Variants in CKAP2 observed in about 807,000 individuals in gnomAD.
CKAP2 encodes cytoskeleton-associated protein 2.
CKAP2 carries 46 observed loss-of-function variants against 58.4 expected under a neutral mutation model. That is an observed-to-expected ratio of 0.79 (90% CI 0.62 to 1.01). The LOEUF is 1.01. Among genes scored for constraint, CKAP2 ranks in the 50% least tolerant of loss-of-function variants. CKAP2 has a pLI of 0.00. For missense variants in CKAP2, 809 were observed against 796.4 expected (o/e 1.02, Z -0.19); for synonymous variants, 293 against 280.9 (o/e 1.04, Z -0.43).
intron 6 of CKAP2, 51 bp downstream of exon 6, chr13:52,465,516 G>A (rs763976569): frequency 8.0e-6 from 12 of 1,498,812 alleles, no homozygotes; most frequent in African/African-American, 5.6e-5. Flanking sequence ...TAGACAATTC[G>A]GAATTAATTT....
rs1382597009 is a variant in CKAP2, at chr13:52,461,115, A to G, written c.289A>G (p.Lys97Glu). The change falls in exon 4 of 9, where the codon AAA becomes GAA. Residue 97 changes from lysine (K) to glutamate (E), a missense_variant. Transcript: ENST00000258607. Reference protein sequence around the residue: ...AESKNNTVVGKHCIPLKPSNE... With the variant: ...AESKNNTVVGEHCIPLKPSNE... Reference sequence around the variant, plus strand: ...GAGCAAAAATAATACAGTGGTGGGGAAACATTGTATTCCTTTAAAACCTTC... The same window carrying G: ...GAGCAAAAATAATACAGTGGTGGGGGAACATTGTATTCCTTTAAAACCTTC... 1 of 1,610,296 alleles carries G rather than the reference A, an allele frequency of 6.2e-7. No homozygotes were observed. Among genetic ancestry groups the G allele is most frequent in the South Asian group, 1.1e-5 (1 of 89,914 alleles).
chr13:52,473,949 T>G lies in CKAP2; in HGVS notation c.1667T>G (p.Leu556Trp), dbSNP rs145551694. 1.8e-5 allele frequency: 29 copies of G among 1,613,942 alleles called. No individual in the cohort carries two copies. Among genetic ancestry groups the G allele is most frequent in the Middle Eastern group, 3.3e-4 (2 of 6,084 alleles). The change falls in exon 8 of 9, where the codon TTG becomes TGG. Residue 556 changes from leucine to tryptophan, a missense_variant. Leu to Trp is a moderately conservative substitution (Grantham distance 61). Around this residue, in one of 3 missense-constraint regions of CKAP2, gnomAD observed 283 missense variants for 287.6 expected, o/e 0.98. Transcript: ENST00000258607. ...LEMESKLHRN[L>W]LFQDCEKEQD... ...ATGGAGAGTAAACTTCATAGAAATTTGCTATTTCAAGATTGTGAAAAAGAG... is the reference window on the plus strand; with the variant it reads ...ATGGAGAGTAAACTTCATAGAAATTGGCTATTTCAAGATTGTGAAAAAGAG...
intron 6 of CKAP2, among the ~76,000 whole-genome samples, chr13:52,468,037 C>T (rs778493357): frequency 1.2e-4 from 18 of 152,074 alleles, no homozygotes; most frequent in Non-Finnish European, 1.6e-4. Context: ...GTCTTGATCT[C>T]CTGACCTCGT....
In CKAP2 at chr13:52,462,433, C is replaced by T; in HGVS notation, c.1171C>T (p.Gln391Ter). Reference sequence around the variant, plus strand: ...AAGGCCCCCTAATTCAGTAGTTACTCAGCATGAGCCTGCAGGACAAAATGA... The same window carrying T: ...AAGGCCCCCTAATTCAGTAGTTACTTAGCATGAGCCTGCAGGACAAAATGA... ...LKRPPNSVVTQHEPAGQNEKP... is the reference protein window; with the variant it reads ...LKRPPNSVVT Residue 391 changes from glutamine to a stop codon, truncating the protein, a stop_gained, in exon 5 of 9, where the codon CAG becomes TAG. Coordinates refer to ENST00000258607, the MANE Select transcript of CKAP2 (RefSeq NM_018204.5). LOFTEE classifies it high-confidence loss of function. The T allele has an allele frequency of 6.2e-7, 1 of 1,614,092 alleles. No individual in the cohort carries two copies. The highest frequency in any genetic ancestry group is 8.5e-7 in the Non-Finnish European group (1 of 1,180,008).
chr13:52,459,011 C>T (rs1672410906), intron 2 of CKAP2, among the ~76,000 whole-genome samples: 3 of 152,220 alleles, frequency 2.0e-5, no homozygotes, highest in South Asian at 2.1e-4. Flanking sequence ...GACTCATTTC[C>T]GATAACCCTT....
chr13:52,470,263 G>A (rs554875918), intron 7 of CKAP2, among the ~76,000 whole-genome samples: 8 of 152,078 alleles, frequency 5.3e-5, no homozygotes, highest in African/African-American at 1.9e-4. Flanking sequence ...GCGCCACCTT[G>A]CCCGGCTAAT....
intron 6 of CKAP2, among the ~76,000 whole-genome samples, chr13:52,467,386 G>C (rs1180774580): frequency 6.6e-6 from 1 of 152,160 alleles, no homozygotes; most frequent in East Asian, 1.9e-4. Flanking sequence ...GAGAAAAGGA[G>C]CAAGACTTAA....
intron 1 of CKAP2, 41 bp downstream of exon 1, chr13:52,455,667 C>T: frequency 6.9e-7 from 1 of 1,455,334 alleles, no homozygotes; most frequent in Non-Finnish European, 9.3e-7. Flanking sequence ...GTGGCGGTGG[C>T]GGTGGCGGGC....
At chr13:52,473,757 C>A in intron 7 of CKAP2, 72 bp from the exon 8 acceptor site, 3 of 1,418,458 alleles carry the variant, frequency 2.1e-6, no homozygotes, top group Non-Finnish European at 2.9e-6. Flanking sequence ...CAACTAGGAA[C>A]AACTTTAATG....
At chr13:52,456,462 T>G in intron 1 of CKAP2, 61 bp from the exon 2 acceptor site, 2 of 1,271,262 alleles carry the variant, frequency 1.6e-6, no homozygotes, top group Non-Finnish European at 2.3e-6. Context: ...CAACAAGATT[T>G]ATTTGCCGTT....
intron 7 of CKAP2, among the ~76,000 whole-genome samples, chr13:52,472,555 T>G (rs1470938614): frequency 2.0e-5 from 3 of 152,150 alleles, no homozygotes; most frequent in African/African-American, 7.2e-5. Flanking sequence ...GCCTAACATG[T>G]TTTATTTTGA....
Position 52,475,893 on chromosome 13 carries a change from C to T in CKAP2, c.*752C>T, listed in dbSNP as rs1958822298. 6.6e-6 allele frequency: 1 copy of T among 152,192 alleles called. No individual in the cohort carries two copies. Among genetic ancestry groups the T allele is most frequent in the Non-Finnish European group, 1.5e-5 (1 of 68,038 alleles). 9.4% of individuals were successfully genotyped at this position (152,192 alleles called of 1,614,324 possible). A position where few individuals can be genotyped will look rare whatever the true frequency, so the allele number is the denominator to read the frequency against. The stretch of plus-strand genomic sequence containing the variant: ...TTTAGTGGTTTAACTTTTGTAACTT[C>T]ACTTGATAGTTTTTAAGCAATTAGA... On this transcript the variant is annotated 3_prime_UTR_variant, in exon 9 of 9. Coordinates refer to ENST00000258607, the MANE Select transcript of CKAP2 (RefSeq NM_018204.5).
intron 2 of CKAP2, among the ~76,000 whole-genome samples, chr13:52,457,562 T>A (rs1020261962): frequency 6.6e-6 from 1 of 152,162 alleles, no homozygotes; most frequent in Non-Finnish European, 1.5e-5. Context: ...AATAACATCC[T>A]TACAGGCTTA....
In CKAP2 at chr13:52,474,911, C is replaced by A. The variant is rs759496379; in HGVS notation, c.1819C>A (p.Gln607Lys). The A allele has an allele frequency of 6.2e-6, 10 of 1,607,692 alleles. No individual in the cohort carries two copies. Among genetic ancestry groups the A allele is most frequent in the Non-Finnish European group, 8.5e-6 (10 of 1,175,248 alleles). ...PYLQSVKKKV[Q>K]FDGTNSAFKE... Reference sequence around the variant, plus strand: ...AATTTTCAGTGTGAAAAAAAAGGTGCAGTTTGATGGAACAAATTCCGCATT... The same window carrying A: ...AATTTTCAGTGTGAAAAAAAAGGTGAAGTTTGATGGAACAAATTCCGCATT... The change falls in exon 9 of 9, where the codon CAG becomes AAG. Residue 607 changes from glutamine to lysine, a missense_variant. By Grantham distance (53) the Gln-to-Lys change is moderately conservative (BLOSUM62 1). Around this residue, in one of 3 missense-constraint regions of CKAP2, gnomAD observed 283 missense variants for 287.6 expected, o/e 0.98. Coordinates refer to ENST00000258607, the MANE Select transcript of CKAP2 (RefSeq NM_018204.5).
chr13:52,465,972 CAT>C (rs200672960), intron 6 of CKAP2: 11,469 of 259,598 alleles, frequency 0.044, 303 homozygotes, highest in South Asian at 0.061. Context: ...TATATACACA[CAT>C]ATATGCACAC....
chr13:52,460,554 C>G, intron 2 of CKAP2, among the ~76,000 whole-genome samples: 1 of 150,098 alleles, frequency 6.7e-6, no homozygotes, highest in Admixed American at 6.6e-5. Context: ...ATGCCATTCT[C>G]CTTCCTCAGC....
intron 2 of CKAP2, among the ~76,000 whole-genome samples, chr13:52,457,853 C>CA (rs59908446): frequency 0.011 from 1,545 of 142,002 alleles, 27 homozygotes; most frequent in African/African-American, 0.039. Context: ...GACTCCGTCT[C>CA]AAAAAAAAAA....
intron 2 of CKAP2, among the ~76,000 whole-genome samples, chr13:52,460,400 G>C (rs1958550070): frequency 6.6e-6 from 1 of 152,086 alleles, no homozygotes; most frequent in East Asian, 1.9e-4. Flanking sequence ...TGGGCAGAGA[G>C]TGTTAGGACT....
In CKAP2 at chr13:52,473,184, C is replaced by A. The variant is rs116513517; in HGVS notation, c.1547-645C>A. On this transcript the variant is annotated intron_variant, in intron 7 of 8. Coordinates refer to ENST00000258607, the MANE Select transcript of CKAP2 (RefSeq NM_018204.5). ...ATCACAGATTGTTACTTTTCATTCTCTGCCATTCTAGACAGTCCTTTACAT... is the reference window on the plus strand; with the variant it reads ...ATCACAGATTGTTACTTTTCATTCTATGCCATTCTAGACAGTCCTTTACAT... Among the ~76,000 whole-genome samples the A allele has an allele frequency of 7.4e-3, 1,126 of 152,288 alleles. 6 individuals carry two copies. Among genetic ancestry groups the A allele is most frequent in the African/African-American group, 0.017 (703 of 41,556 alleles).
Sources: gnomAD v4.1 joint callset for allele counts (sites outside exome capture counted in the v4.1 genomes callset) on GRCh38, gnomAD v4.1.1 for gene constraint, gnomAD v4.1.1 regional missense constraint, MANE v1.5 for transcripts, NCBI Gene and HGNC (gene_info 2026-07-23, HGNC 2026-07-21) for gene names.